Variants in SLC44A5 observed in about 807,000 individuals in gnomAD.
SLC44A5 encodes solute carrier family 44 member 5, also known as choline transporter-like protein 5.
In SLC44A5, 57 loss-of-function variants were observed where a neutral mutation model predicts 101.8. That is an observed-to-expected ratio of 0.56 (90% CI 0.45 to 0.70). The LOEUF (loss-of-function observed/expected upper bound fraction) is 0.70, where lower values mean the gene tolerates loss of function less well. SLC44A5 is among the 30% of genes least tolerant of loss of function. SLC44A5 has a pLI of 0.00. For synonymous variants in SLC44A5, 281 were observed against 290.9 expected (o/e 0.97, Z 0.35); for missense variants, 737 against 853.1 (o/e 0.86, Z 1.70).
chr1:75,408,362 G>A (rs1421676426), intron 2 of SLC44A5, among the ~76,000 whole-genome samples: 1 of 151,976 alleles, frequency 6.6e-6, no homozygotes, highest in East Asian at 1.9e-4. Context: ...CCTATTACTG[G>A]GTATATACCC....
intron 5 of SLC44A5, among the ~76,000 whole-genome samples, chr1:75,279,455 C>A (rs1031562629): frequency 1.3e-5 from 2 of 152,130 alleles, no homozygotes; most frequent in African/African-American, 4.8e-5. Flanking sequence ...ATCATAACCA[C>A]AACTTCATGA....
At position 75,477,010 on chromosome 1, in the gene SLC44A5, G is replaced by A. The variant is rs1243903365; in HGVS notation, c.13+64425C>T. 4.6e-5 allele frequency among the ~76,000 whole-genome samples: 7 copies of A among 152,180 alleles called. No individual in the cohort carries two copies. The South Asian group carries it at 1.5e-3, about 32-fold the overall frequency. ...CTAACTGGGAGGCACCCCCCAGCAGGGGCAGACTGACACCTCACAGGACCC... is the reference window on the plus strand; with the variant it reads ...CTAACTGGGAGGCACCCCCCAGCAGAGGCAGACTGACACCTCACAGGACCC... On this transcript the variant is annotated intron_variant, in intron 2 of 23. Coordinates refer to ENST00000370859, the MANE Select transcript of SLC44A5 (RefSeq NM_001130058.2).
chr1:75,372,143 G>A (rs1461366495), intron 3 of SLC44A5, among the ~76,000 whole-genome samples: 1 of 141,342 alleles, frequency 7.1e-6, no homozygotes, highest in Non-Finnish European at 1.5e-5. Flanking sequence ...GCTGCAGTGA[G>A]CCAAGATCAT....
the SLC44A5 span, among the ~76,000 whole-genome samples, chr1:75,640,718 G>A: frequency 6.6e-6 from 1 of 152,034 alleles, no homozygotes; most frequent in African/African-American, 2.4e-5. Flanking sequence ...ATTAAAACCA[G>A]TTTTTCATGG....
chr1:75,404,927 T>C (rs1262092862), intron 2 of SLC44A5, among the ~76,000 whole-genome samples: 1 of 152,190 alleles, frequency 6.6e-6, no homozygotes, highest in African/African-American at 2.4e-5. Flanking sequence ...TCAAGACCCA[T>C]TAGTGTGCTA....
chr1:75,218,423 A>G, intron 17 of SLC44A5, 67 bp downstream of exon 17: 2 of 1,573,904 alleles, frequency 1.3e-6, no homozygotes, highest in Non-Finnish European at 1.7e-6. Context: ...TTAATGAGCC[A>G]AGACTGAATT....
chr1:75,233,948 T>C (rs1336229017), intron 12 of SLC44A5, 38 bp downstream of exon 12: 23 of 1,404,388 alleles, frequency 1.6e-5, no homozygotes, highest in East Asian at 2.3e-5. Flanking sequence ...AAAAGGATTA[T>C]TCTGATATTT....
At position 75,214,618 on chromosome 1, in the gene SLC44A5, T is replaced by G; in HGVS notation, c.1789A>C (p.Arg597=). 1 of 1,611,810 alleles carries G rather than the reference T, an allele frequency of 6.2e-7. No individual in the cohort carries two copies. Among genetic ancestry groups the G allele is most frequent in the Non-Finnish European group, 8.5e-7 (1 of 1,178,804 alleles). ...SAKDAFNLLM[R]NVLKVAVTDE... is the part of the protein sequence containing the mutation. ...CTGATTACTTACTTCAAAACATTTC[T>G]CATCAGCAGATTGAAAGCATCTTTT... The change falls in exon 20 of 24, where the codon AGA becomes CGA. Residue 597 remains arginine, a synonymous_variant. Transcript: ENST00000370859.
the SLC44A5 span, among the ~76,000 whole-genome samples, chr1:75,654,330 A>G: frequency 6.6e-6 from 1 of 152,210 alleles, no homozygotes; most frequent in Non-Finnish European, 1.5e-5. Flanking sequence ...ATTACTTTAA[A>G]TTAAAATTGT....
intron 5 of SLC44A5, among the ~76,000 whole-genome samples, chr1:75,281,307 C>A (rs1652529756): frequency 1.3e-5 from 2 of 151,930 alleles, no homozygotes; most frequent in African/African-American, 4.8e-5. Flanking sequence ...TTGCCCCTGC[C>A]CTAGAGATCT....
rs902069884 is a variant in SLC44A5 at position 75,433,806 on chromosome 1, C to A, written c.14-37185G>T. On this transcript the variant is annotated intron_variant, in intron 2 of 23. Coordinates refer to ENST00000370859, the MANE Select transcript of SLC44A5 (RefSeq NM_001130058.2). ...TACCCGAGACTGGGTCATTTATAAA[C>A]GAAAGAGGTTTAATTGATTCACAGT... is the stretch of plus-strand genomic sequence containing the variant. 3.3e-5 allele frequency among the ~76,000 whole-genome samples: 5 copies of A among 152,158 alleles called. No individual in the cohort carries two copies. In the East Asian group the frequency reaches 7.7e-4, roughly 24 times the overall value.
chr1:75,536,773 G>A (rs1306618283), intron 2 of SLC44A5, among the ~76,000 whole-genome samples: 3 of 146,920 alleles, frequency 2.0e-5, no homozygotes, highest in Non-Finnish European at 3.0e-5. Context: ...TTGGGAGGCC[G>A]AGGCGGGCGG....
At chr1:75,279,669 C>T (rs930462742) in intron 5 of SLC44A5, among the ~76,000 whole-genome samples, 1 of 151,890 alleles carries the variant, frequency 6.6e-6, no homozygotes, top group Non-Finnish European at 1.5e-5. Context: ...TACCCTTTGG[C>T]TTATATTTTG....
chr1:75,659,627 C>CA, the SLC44A5 span, among the ~76,000 whole-genome samples: 22,891 of 98,642 alleles, frequency 0.23, 4,399 homozygotes, highest in East Asian at 0.64. Flanking sequence ...CCATCTCTAC[C>CA]AAAAAAAAAA....
At chr1:75,374,254 A>G (rs1023942889) in intron 3 of SLC44A5, among the ~76,000 whole-genome samples, 11 of 152,088 alleles carry the variant, frequency 7.2e-5, no homozygotes, top group African/African-American at 2.7e-4. Context: ...CAAGCTGAAT[A>G]CCTGTGGTAC....
intron 2 of SLC44A5, among the ~76,000 whole-genome samples, chr1:75,502,279 G>A (rs1436547007): frequency 3.9e-5 from 6 of 152,152 alleles, no homozygotes; most frequent in African/African-American, 1.4e-4. Context: ...TGACAGTTCT[G>A]TGCCTGATAG....
In SLC44A5 at chr1:75,309,413, C is replaced by T. The variant is rs1239998249; in HGVS notation, c.102-8728G>A. On this transcript the variant is annotated intron_variant, in intron 4 of 23. Transcript: ENST00000370859. ...CTGCACTCCATCCTAGGAAACAGAGCGAGACCATTGCCTCTAAAAAAAATT... is the reference window on the plus strand; with the variant it reads ...CTGCACTCCATCCTAGGAAACAGAGTGAGACCATTGCCTCTAAAAAAAATT... 9.9e-5 allele frequency among the ~76,000 whole-genome samples: 15 copies of T among 151,822 alleles called. No individual in the cohort carries two copies. In the East Asian group the frequency reaches 2.1e-3, roughly 22 times the overall value.
chr1:75,281,929 G>C (rs1354471338), intron 5 of SLC44A5, among the ~76,000 whole-genome samples: 2 of 152,192 alleles, frequency 1.3e-5, no homozygotes, highest in Non-Finnish European at 2.9e-5. Flanking sequence ...CTAGGGCAGT[G>C]CAGAAGGGAA....
intron 3 of SLC44A5, among the ~76,000 whole-genome samples, chr1:75,364,592 A>G (rs948106786): frequency 6.6e-6 from 1 of 152,192 alleles, no homozygotes; most frequent in African/African-American, 2.4e-5. Flanking sequence ...GATCCCAACC[A>G]TATCAGCTTC....
Sources: allele counts gnomAD v4.1 joint callset (sites outside exome capture counted in the v4.1 genomes callset), GRCh38; gene constraint gnomAD v4.1.1; transcripts MANE v1.5; gene names NCBI Gene and HGNC (gene_info 2026-07-23, HGNC 2026-07-21).